Variants in RNGTT observed in about 807,000 individuals in gnomAD.
RNGTT encodes mRNA-capping enzyme.
RNGTT carries 33 observed loss-of-function variants against 79.3 expected under a neutral mutation model. The ratio of observed to expected loss-of-function variants is 0.42; its 90% confidence interval spans 0.32 to 0.56. The LOEUF (loss-of-function observed/expected upper bound fraction) is 0.56, where lower values mean the gene tolerates loss of function less well. Among genes scored for constraint, RNGTT ranks in the 20% least tolerant of loss-of-function variants. RNGTT has a pLI of 0.17. For synonymous variants in RNGTT, 222 were observed against 235.9 expected (o/e 0.94, Z 0.54); for missense variants, 497 against 739.1 (o/e 0.67, Z 3.80).
chr6:88,767,696 A>AAAAAAAAAAC (rs1270766206), intron 13 of RNGTT, among the ~76,000 whole-genome samples: 1 of 148,972 alleles, frequency 6.7e-6, no homozygotes, highest in African/African-American at 2.5e-5. Flanking sequence ...AAAAAAAAAA[A>AAAAAAAAAAC]AAAAAAAACA....
intron 14 of RNGTT, among the ~76,000 whole-genome samples, chr6:88,643,877 C>T (rs1773423810): frequency 6.6e-6 from 1 of 152,166 alleles, no homozygotes. Flanking sequence ...ATGTATGGCA[C>T]TAAATGCCCA....
intron 11 of RNGTT, among the ~76,000 whole-genome samples, chr6:88,837,415 A>AC (rs1184514046): frequency 1.3e-5 from 2 of 152,236 alleles, no homozygotes; most frequent in African/African-American, 4.8e-5. Flanking sequence ...AACAACAACA[A>AC]AAAAAAGCTC....
intron 4 of RNGTT, among the ~76,000 whole-genome samples, chr6:88,921,461 G>T (rs1451255347): frequency 6.6e-6 from 1 of 152,108 alleles, no homozygotes; most frequent in Non-Finnish European, 1.5e-5. Flanking sequence ...TAAAGTTCTT[G>T]AAACACACAG....
At chr6:88,773,000 G>C (rs1778742902) in intron 12 of RNGTT, among the ~76,000 whole-genome samples, 2 of 148,186 alleles carry the variant, frequency 1.3e-5, no homozygotes, top group African/African-American at 4.9e-5. Context: ...AAATCATGCT[G>C]CTATAAAGAC....
At chr6:88,815,662 T>C (rs1045843140) in intron 11 of RNGTT, among the ~76,000 whole-genome samples, 1 of 152,198 alleles carries the variant, frequency 6.6e-6, no homozygotes, top group Non-Finnish European at 1.5e-5. Flanking sequence ...TGACTTCCCC[T>C]GTGAGGCATT....
At chr6:88,644,546 CA>C (rs779065672) in intron 14 of RNGTT, among the ~76,000 whole-genome samples, 1 of 151,806 alleles carries the variant, frequency 6.6e-6, no homozygotes, top group Non-Finnish European at 1.5e-5. Flanking sequence ...AGAGACACAA[CA>C]AAAAAAGAGA....
At chr6:88,694,129 G>A (rs1301169719) in intron 13 of RNGTT, among the ~76,000 whole-genome samples, 1 of 152,048 alleles carries the variant, frequency 6.6e-6, no homozygotes, top group African/African-American at 2.4e-5. Context: ...AGAAAGAAAA[G>A]GCATCCAAAT....
chr6:88,945,746 G>C (rs1784987410), intron 1 of RNGTT, among the ~76,000 whole-genome samples: 1 of 152,134 alleles, frequency 6.6e-6, no homozygotes, highest in Admixed American at 6.5e-5. Context: ...TTGAGTGAGG[G>C]CCATGTATCT....
chr6:88,766,711 C>T (rs1341282532), intron 13 of RNGTT, among the ~76,000 whole-genome samples: 1 of 152,064 alleles, frequency 6.6e-6, no homozygotes, highest in Non-Finnish European at 1.5e-5. Flanking sequence ...AACTCAAAAA[C>T]ATACCTAGAA....
intron 14 of RNGTT, among the ~76,000 whole-genome samples, chr6:88,627,306 T>C (rs1772670642): frequency 6.6e-6 from 1 of 152,180 alleles, no homozygotes; most frequent in African/African-American, 2.4e-5. Context: ...TTAGACCTAA[T>C]AATATTTGAA....
intron 8 of RNGTT, among the ~76,000 whole-genome samples, chr6:88,879,695 T>C (rs1358656091): frequency 6.6e-6 from 1 of 152,178 alleles, no homozygotes; most frequent in Non-Finnish European, 1.5e-5. Flanking sequence ...TGGGAAGAAA[T>C]CTTACTTCAA....
chr6:88,952,937 A>G (rs1260653158), intron 1 of RNGTT, among the ~76,000 whole-genome samples: 1 of 152,198 alleles, frequency 6.6e-6, no homozygotes, highest in Non-Finnish European at 1.5e-5. Context: ...CACAACATCA[A>G]GGGATCAGCC....
chr6:88,772,799 T>C (rs1582442984), intron 12 of RNGTT, among the ~76,000 whole-genome samples: 2 of 151,682 alleles, frequency 1.3e-5, no homozygotes, highest in South Asian at 4.2e-4. Context: ...AGAATGGCAA[T>C]CATTAAAAAG....
chr6:88,661,911 T>C (rs1317118374), intron 14 of RNGTT, among the ~76,000 whole-genome samples: 4 of 152,044 alleles, frequency 2.6e-5, no homozygotes, highest in Non-Finnish European at 5.9e-5. Context: ...ATGCAAAAAA[T>C]CCTCAACAAA....
chr6:88,667,903 A>G (rs1774478979), intron 14 of RNGTT, among the ~76,000 whole-genome samples: 1 of 152,178 alleles, frequency 6.6e-6, no homozygotes, highest in Non-Finnish European at 1.5e-5. Context: ...CTCTCCCCAC[A>G]GTATTGTTTA....
At chr6:88,714,058 T>C (rs1226723575) in intron 13 of RNGTT, among the ~76,000 whole-genome samples, 1 of 152,196 alleles carries the variant, frequency 6.6e-6, no homozygotes, top group Non-Finnish European at 1.5e-5. Context: ...GGATAAGTCA[T>C]AAACTAAATG....
At chr6:88,770,886 T>C (rs940273979) in intron 12 of RNGTT, among the ~76,000 whole-genome samples, 1 of 152,154 alleles carries the variant, frequency 6.6e-6, no homozygotes, top group Non-Finnish European at 1.5e-5. Context: ...CTTTTGTTTA[T>C]TGCTATCTGT....
chr6:88,620,635 A>G (rs141097997), intron 14 of RNGTT, among the ~76,000 whole-genome samples: 1 of 152,358 alleles, frequency 6.6e-6, no homozygotes, highest in Non-Finnish European at 1.5e-5. Context: ...AACGTAAGAA[A>G]TAAATATTTA....
intron 13 of RNGTT, among the ~76,000 whole-genome samples, chr6:88,733,724 C>T (rs1777191590): frequency 6.6e-6 from 1 of 151,708 alleles, no homozygotes; most frequent in South Asian, 2.1e-4. Context: ...CTCCTCTCAC[C>T]TATAGAGGGT....
Sources: gnomAD v4.1 joint callset for allele counts (sites outside exome capture counted in the v4.1 genomes callset) on GRCh38, gnomAD v4.1.1 for gene constraint, MANE v1.5 for transcripts, NCBI Gene and HGNC (gene_info 2026-07-23, HGNC 2026-07-21) for gene names.